Variants in SUMF1 observed in about 807,000 individuals in gnomAD.
SUMF1 encodes the protein formylglycine-generating enzyme.
A neutral mutation model predicts 47.6 loss-of-function variants in SUMF1; 48 were observed. The ratio of observed to expected loss-of-function variants is 1.01; its 90% CI spans 0.80 to 1.28. The LOEUF (loss-of-function observed/expected upper bound fraction) is 1.28. Among genes scored for constraint, SUMF1 ranks in the 50% most tolerant of loss-of-function variants. SUMF1 has a pLI of 0.00. For missense variants in SUMF1, 571 were observed against 485.4 expected (o/e 1.18, Z -1.66); for synonymous variants, 230 against 192.1 (o/e 1.20, Z -1.63).
At position 4,252,205 on chromosome 3, in the gene SUMF1, T is replaced by C. The variant is rs551927996; in HGVS notation, c.1014+124125A>G. On this transcript the variant is annotated intron_variant and NMD_transcript_variant, in intron 8 of 12. Coordinates refer to the SUMF1 transcript ENST00000448413. ...CAAAATATACTGTAGCTACAAATGA[T>C]GACAGAATTAATGGTTGCCCCATGT... Among the ~76,000 whole-genome samples, 9 of 152,324 alleles carry C rather than the reference T, an allele frequency of 5.9e-5. No individual in the cohort carries two copies. The South Asian group carries it at 1.4e-3, about 25-fold the overall frequency.
At chr3:4,080,312 T>C (rs1428210903) in intron 8 of SUMF1, among the ~76,000 whole-genome samples, 1 of 152,168 alleles carries the variant, frequency 6.6e-6, no homozygotes. Context: ...GAGGGTCTAA[T>C]GGGCTATGAC....
At chr3:4,311,761 G>A (rs910536268) in intron 8 of SUMF1, among the ~76,000 whole-genome samples, 3 of 151,998 alleles carry the variant, frequency 2.0e-5, no homozygotes, top group Non-Finnish European at 2.9e-5. Flanking sequence ...CTCCTTACTT[G>A]TTCATTTATC....
chr3:4,151,063 T>C lies in SUMF1; in HGVS notation c.1015-82318A>G, dbSNP rs781484111. Among the ~76,000 whole-genome samples, 31 of 151,306 alleles carry C rather than the reference T, an allele frequency of 2.0e-4. 1 individual carries two copies. Among genetic ancestry groups the C allele is most frequent in the Non-Finnish European group, 3.7e-4 (25 of 67,980 alleles). On this transcript the variant is annotated intron_variant and NMD_transcript_variant, in intron 8 of 12. Transcript: ENST00000448413. Reference sequence around the variant, plus strand: ...ACTTCAACAGAGGATTAACGTCTGGTGGGGGCCTCATCTTTTAGAATCGCT... The same window carrying C: ...ACTTCAACAGAGGATTAACGTCTGGCGGGGGCCTCATCTTTTAGAATCGCT...
At chr3:4,251,903 A>T (rs1696810494) in intron 8 of SUMF1, among the ~76,000 whole-genome samples, 1 of 152,202 alleles carries the variant, frequency 6.6e-6, no homozygotes, top group Non-Finnish European at 1.5e-5. Context: ...ACATTTTTAG[A>T]GATAATGCTA....
intron 8 of SUMF1, among the ~76,000 whole-genome samples, chr3:4,354,617 T>C (rs150542713): frequency 6.7e-4 from 102 of 152,326 alleles, no homozygotes; most frequent in African/African-American, 2.3e-3. Context: ...GGATTAATCA[T>C]GCCAGCTTTT....
chr3:4,192,843 G>A (rs1322814010), intron 8 of SUMF1, among the ~76,000 whole-genome samples: 1 of 152,108 alleles, frequency 6.6e-6, no homozygotes, highest in Non-Finnish European at 1.5e-5. Context: ...TGGATGCCAA[G>A]GCTCAGGTAA....
At chr3:4,445,862 T>C (rs1036597163) in intron 3 of SUMF1, among the ~76,000 whole-genome samples, 9 of 152,212 alleles carry the variant, frequency 5.9e-5, no homozygotes, top group Non-Finnish European at 1.2e-4. Context: ...GATGGTACCA[T>C]TGGAGGAAAC....
intron 8 of SUMF1, among the ~76,000 whole-genome samples, chr3:4,071,732 A>G (rs1196665863): frequency 6.6e-6 from 1 of 152,178 alleles, no homozygotes; most frequent in Non-Finnish European, 1.5e-5. Flanking sequence ...AGCAAGGCTG[A>G]CTGCCTCTCT....
At chr3:4,273,479 A>G (rs1391036264) in intron 8 of SUMF1, among the ~76,000 whole-genome samples, 1 of 152,074 alleles carries the variant, frequency 6.6e-6, no homozygotes, top group Middle Eastern at 3.4e-3. Flanking sequence ...TAGAAACAGA[A>G]AGTAGATCAA....
At chr3:4,047,108 C>A (rs1574843768) in intron 9 of SUMF1, among the ~76,000 whole-genome samples, 1 of 152,110 alleles carries the variant, frequency 6.6e-6, no homozygotes, top group Non-Finnish European at 1.5e-5. Context: ...TGCCCCAGAT[C>A]TTTGCTGGTG....
chr3:4,444,645 CCT>C (rs1702718904), intron 3 of SUMF1, among the ~76,000 whole-genome samples: 2 of 152,104 alleles, frequency 1.3e-5, no homozygotes, highest in South Asian at 2.1e-4. Context: ...TCTATCATCC[CCT>C]GTGTCCTTGA....
At chr3:4,065,242 T>C (rs116721316) in intron 9 of SUMF1, among the ~76,000 whole-genome samples, 406 of 152,190 alleles carry the variant, frequency 2.7e-3, no homozygotes, top group Non-Finnish European at 4.4e-3. Flanking sequence ...TTTTCTGCAA[T>C]GAGACAGAGA....
chr3:4,394,406 T>C (rs794188), intron 7 of SUMF1, among the ~76,000 whole-genome samples: 36,800 of 152,084 alleles, frequency 0.24, 5,692 homozygotes, highest in Non-Finnish European at 0.34. Flanking sequence ...GATCTGCCCA[T>C]CTCGCTCTCC....
At chr3:4,162,531 C>T (rs1574939679) in intron 8 of SUMF1, among the ~76,000 whole-genome samples, 1 of 152,194 alleles carries the variant, frequency 6.6e-6, no homozygotes, top group African/African-American at 2.4e-5. Context: ...CCTGTCTATG[C>T]TTCCTCCGTG....
Position 4,370,867 on chromosome 3 carries a change from C to G in SUMF1, c.1014+5463G>C, listed in dbSNP as rs1022854927. ...TGAAAAGTTTAAAATCAGTGCCTCT[C>G]CCTTCCCCACCACCAAAATTTAGTT... On this transcript the variant is annotated intron_variant, in intron 8 of 8. Transcript: ENST00000272902. 4.6e-5 allele frequency among the ~76,000 whole-genome samples: 7 copies of G among 152,268 alleles called. 1 individual carries two copies. The highest frequency in any genetic ancestry group is 2.1e-4 in the South Asian group (1 of 4,826).
chr3:4,111,667 G>A (rs1422126003), intron 8 of SUMF1, among the ~76,000 whole-genome samples: 1 of 151,956 alleles, frequency 6.6e-6, no homozygotes, highest in East Asian at 1.9e-4. Context: ...TGAACCCAGG[G>A]GGCAGAGGTT....
intron 8 of SUMF1, among the ~76,000 whole-genome samples, chr3:4,071,863 C>T (rs558624512): frequency 4.6e-5 from 7 of 152,272 alleles, no homozygotes; most frequent in Admixed American, 4.6e-4. Flanking sequence ...CAGCTGTGGG[C>T]ACAGCTTCTG....
intron 9 of SUMF1, among the ~76,000 whole-genome samples, chr3:4,055,485 T>C (rs1302813600): frequency 1.3e-5 from 2 of 152,114 alleles, no homozygotes; most frequent in Non-Finnish European, 2.9e-5. Flanking sequence ...TATTTTATTT[T>C]ATTATTAATT....
At chr3:4,195,960 G>C (rs1024070787) in intron 8 of SUMF1, among the ~76,000 whole-genome samples, 1 of 152,020 alleles carries the variant, frequency 6.6e-6, no homozygotes, top group African/African-American at 2.4e-5. Flanking sequence ...GGGAAAGAAT[G>C]GCTGACTGGT....
Sources: gnomAD v4.1 joint callset for allele counts (sites outside exome capture counted in the v4.1 genomes callset) on GRCh38, gnomAD v4.1.1 for gene constraint, MANE v1.5 for transcripts, NCBI Gene and HGNC (gene_info 2026-07-23, HGNC 2026-07-21) for gene names.